Variants in MPHOSPH9 observed in about 807,000 individuals in gnomAD.
MPHOSPH9 encodes the protein M-phase phosphoprotein 9.
A neutral mutation model predicts 145.5 loss-of-function variants in MPHOSPH9; 88 were observed. The ratio of observed to expected loss-of-function variants is 0.60; its 90% CI spans 0.51 to 0.72. The LOEUF (loss-of-function observed/expected upper bound fraction) is 0.72, where lower values mean the gene tolerates loss of function less well. Ranked by LOEUF, MPHOSPH9 falls within the 30% of genes least tolerant of loss-of-function variation. MPHOSPH9 has a pLI of 0.00. For synonymous variants in MPHOSPH9, 435 were observed against 486.2 expected, an observed-to-expected ratio of 0.89 and a Z score of 1.39; for missense variants, 1,238 against 1,386.6, an observed-to-expected ratio of 0.89 and a Z score of 1.70.
intron 15 of MPHOSPH9, among the ~76,000 whole-genome samples, 166 bp downstream of exon 15, chr12:123,179,760 T>C (rs1411724851): frequency 6.6e-6 from 1 of 151,228 alleles, no homozygotes; most frequent in Non-Finnish European, 1.5e-5. Context: ...AGAAATCTTG[T>C]TTGGCTAAAA....
At chr12:123,203,923 G>A (rs1223803071) in intron 8 of MPHOSPH9, among the ~76,000 whole-genome samples, 1 of 152,088 alleles carries the variant, frequency 6.6e-6, no homozygotes, top group Non-Finnish European at 1.5e-5. Context: ...CTGAGCTCAA[G>A]CAATCCTCCC....
At chr12:123,198,746 G>C (rs2046083237) in intron 11 of MPHOSPH9, among the ~76,000 whole-genome samples, 1 of 146,756 alleles carries the variant, frequency 6.8e-6, no homozygotes, top group Non-Finnish European at 1.5e-5. Context: ...GGAGGCTGAG[G>C]TTGCAGCGGG....
chr12:123,152,622 G>T, downstream of MPHOSPH9: 2 of 456,338 alleles, frequency 4.4e-6, no homozygotes, highest in Middle Eastern at 3.3e-4. Context: ...CATATCTGAG[G>T]GGTCTATGGA....
At chr12:123,210,222 G>T in intron 7 of MPHOSPH9, 60 bp from the exon 8 acceptor site, 1 of 953,418 alleles carries the variant, frequency 1.0e-6, no homozygotes, top group Non-Finnish European at 1.5e-6. Flanking sequence ...ATGCTTTCTA[G>T]AATAACATTT....
chr12:123,199,146 C>T (rs927691378), intron 11 of MPHOSPH9, among the ~76,000 whole-genome samples: 1 of 152,068 alleles, frequency 6.6e-6, no homozygotes, highest in Admixed American at 6.6e-5. Flanking sequence ...TGCACCACCA[C>T]ACACAGCTAA....
Position 123,165,486 on chromosome 12 carries a change from A to G in MPHOSPH9, c.2592-9T>C. On this transcript the variant is annotated splice_polypyrimidine_tract_variant and intron_variant, in intron 17 of 23. Transcript: ENST00000606320. ...CCAGAGGTGAACGGTGCCTTAAACA[A>G]TAATTTTAAGACATACAGTGCTATG... 6.2e-7 allele frequency: 1 copy of G among 1,611,018 alleles called. No homozygotes were observed. The highest frequency in any genetic ancestry group is 8.5e-7 in the Non-Finnish European group (1 of 1,178,504).
chr12:123,187,746 T>C (rs1423699477), intron 13 of MPHOSPH9, among the ~76,000 whole-genome samples: 1 of 152,158 alleles, frequency 6.6e-6, no homozygotes, highest in East Asian at 1.9e-4. Context: ...GGAAAATCTA[T>C]TTAAAAATGA....
In MPHOSPH9 at chr12:123,239,908, C is replaced by G. The variant is rs1465565517; in HGVS notation, c.-159+3945G>C. Among the ~76,000 whole-genome samples, 8 of 152,262 alleles carry G rather than the reference C, an allele frequency of 5.3e-5. No homozygotes were observed. The East Asian group carries it at 1.4e-3, about 26-fold the overall frequency. On this transcript the variant is annotated intron_variant, in intron 1 of 2. Transcript: ENST00000545406. ...CTCCCATCACACTCCTTTACACCTT[C>G]TCAGCCTTCACCATTGCCATCATGA...
At chr12:123,175,401 C>T (rs568796381) in intron 16 of MPHOSPH9, among the ~76,000 whole-genome samples, 69 of 152,198 alleles carry the variant, frequency 4.5e-4, no homozygotes, top group African/African-American at 1.6e-3. Flanking sequence ...GATCCGCCCG[C>T]CTCGGCCTCC....
At chr12:123,193,474 C>G (rs2045799610) in intron 13 of MPHOSPH9, among the ~76,000 whole-genome samples, 1 of 151,970 alleles carries the variant, frequency 6.6e-6, no homozygotes, top group Non-Finnish European at 1.5e-5. Context: ...TTGTAATATC[C>G]TGAAAAACGA....
At chr12:123,225,937 G>A (rs2047421106) in intron 3 of MPHOSPH9, among the ~76,000 whole-genome samples, 1 of 152,196 alleles carries the variant, frequency 6.6e-6, no homozygotes, top group Non-Finnish European at 1.5e-5. Flanking sequence ...TCGGGAGACT[G>A]AGGCAGGAGA....
chr12:123,161,063 A>G lies in MPHOSPH9; in HGVS notation c.3381+73T>C, dbSNP rs2044084368. 3 of 1,544,736 alleles carry G rather than the reference A, an allele frequency of 1.9e-6. No homozygotes were observed. The African/African-American group carries it at 4.1e-5, about 21-fold the overall frequency. ...TAATTTCCTGAGACAGGTTTGACTC[A>G]ATAATTCCCTTCTCCTTAGACATAA... On this transcript the variant is annotated intron_variant, in intron 22 of 23. Transcript: ENST00000606320.
In MPHOSPH9 at chr12:123,221,868, C is replaced by G; in HGVS notation, c.376G>C (p.Val126Leu). ...QHIQEEIKNLVKLQTSSASLA... is the reference protein window; with the variant it reads ...QHIQEEIKNLLKLQTSSASLA... ...GAAGCACTACTAGTCTGTAATTTGA[C>G]TAAATTTTTTATCTCCTCCTGTATA... The change falls in exon 5 of 24, where the codon GTC (valine) becomes CTC (leucine). Residue 126 changes from valine (V) to leucine (L), a missense_variant. By Grantham distance (32) the Val-to-Leu change is conservative. Around this residue, in one of 3 missense-constraint regions of MPHOSPH9, gnomAD observed 837 missense variants for 897.5 expected, o/e 0.93. Coordinates refer to ENST00000606320, the MANE Select transcript of MPHOSPH9 (RefSeq NM_022782.4). The G allele has an allele frequency of 6.3e-7, 1 of 1,585,234 alleles. No individual in the cohort carries two copies. The highest frequency in any genetic ancestry group is 1.8e-5 in the Admixed American group (1 of 54,890).
chr12:123,187,095 A>C (rs1277835560), intron 13 of MPHOSPH9, among the ~76,000 whole-genome samples: 3 of 152,076 alleles, frequency 2.0e-5, no homozygotes. Context: ...CCCTGTTTCT[A>C]CCAAAAATAC....
intron 6 of MPHOSPH9, among the ~76,000 whole-genome samples, chr12:123,216,848 G>A (rs1314341064): frequency 6.6e-6 from 1 of 151,926 alleles, no homozygotes; most frequent in Non-Finnish European, 1.5e-5. Flanking sequence ...AATAAGCCAG[G>A]CGTGGTGGCA....
chr12:123,154,010 C>T (rs2043816224), downstream of MPHOSPH9, among the ~76,000 whole-genome samples: 1 of 152,134 alleles, frequency 6.6e-6, no homozygotes, highest in Admixed American at 6.6e-5. Context: ...CTGCACAACC[C>T]TAGCACGGCC....
intron 16 of MPHOSPH9, among the ~76,000 whole-genome samples, chr12:123,171,912 C>T (rs1371760081): frequency 1.3e-5 from 2 of 152,166 alleles, no homozygotes; most frequent in African/African-American, 2.4e-5. Context: ...AGCCCCTGTG[C>T]ACCTCTCCAA....
intron 13 of MPHOSPH9, among the ~76,000 whole-genome samples, chr12:123,192,526 G>A (rs1474518564): frequency 4.8e-5 from 7 of 144,996 alleles, no homozygotes; most frequent in African/African-American, 1.5e-4. Flanking sequence ...AACTTTGGAA[G>A]CCAAGGTGGA....
rs75843413 is a variant in MPHOSPH9 at position 123,179,098 on chromosome 12, G to A, written c.2354+828C>T. Among the ~76,000 whole-genome samples, 20 of 152,274 alleles carry A rather than the reference G, an allele frequency of 1.3e-4. No homozygotes were observed. The East Asian group carries it at 2.7e-3, about 21-fold the overall frequency. ...AATGTTTGGGAAAATATCCACCTCT[G>A]AGGCACAACCATCAGTACATTTTAA... On this transcript the variant is annotated intron_variant, in intron 15 of 23. Coordinates refer to ENST00000606320, the MANE Select transcript of MPHOSPH9 (RefSeq NM_022782.4).
Sources: gnomAD v4.1 joint callset for allele counts (sites outside exome capture counted in the v4.1 genomes callset) on GRCh38, gnomAD v4.1.1 for gene constraint, gnomAD v4.1.1 regional missense constraint, MANE v1.5 for transcripts, NCBI Gene and HGNC (gene_info 2026-07-23, HGNC 2026-07-21) for gene names.